Variants in RGR observed in about 807,000 individuals in gnomAD.
The protein encoded by RGR is RPE-retinal G protein-coupled receptor.
RGR carries 30 observed loss-of-function variants against 28.6 expected under a neutral mutation model. That is an observed-to-expected ratio of 1.05 (90% CI 0.78 to 1.42). The LOEUF (loss-of-function observed/expected upper bound fraction) is 1.42, where lower values mean the gene tolerates loss of function less well. Ranked by LOEUF, RGR falls within the 40% of genes most tolerant of loss-of-function variation. The probability of loss-of-function intolerance (pLI) is 0.00; values close to 1 mark genes in which losing one functional copy is unlikely to be tolerated. For missense variants in RGR, 404 were observed against 375.6 expected (o/e 1.08, Z -0.62); for synonymous variants, 180 against 156.4 (o/e 1.15, Z -1.13).
intron 5 of RGR, among the ~76,000 whole-genome samples, chr10:84,256,026 T>G (rs1459012159): frequency 6.7e-6 from 1 of 149,824 alleles, no homozygotes; most frequent in African/African-American, 2.4e-5. Flanking sequence ...TCCAGCCTTT[T>G]TTTTTTTTCT....
At chr10:84,249,240 G>T (rs1312572115) in intron 3 of RGR, among the ~76,000 whole-genome samples, 197 bp downstream of exon 3, 1 of 152,176 alleles carries the variant, frequency 6.6e-6, no homozygotes, top group Non-Finnish European at 1.5e-5. Flanking sequence ...GAGCTGTTGG[G>T]CCTCTCTTGC....
rs776960723 is a variant in RGR at position 84,245,101 on chromosome 10, C to T, written c.11C>T (p.Thr4Ile). 2 of 1,613,628 alleles carry T rather than the reference C, an allele frequency of 1.2e-6. No individual in the cohort carries two copies. The highest frequency in any genetic ancestry group is 1.7e-5 in the Admixed American group (1 of 59,992). ...TGAGGGAGAGTGAGGATGGCAGAGA[C>T]CAGTGCCCTGCCCACTGGCTTCGGG... Reference protein sequence around the residue: MAETSALPTGFGEL... With the variant: MAEISALPTGFGEL... Residue 4 changes from threonine to isoleucine, a missense_variant, in exon 1 of 7, where the codon ACC becomes ATC. Thr to Ile is a moderately conservative substitution (Grantham distance 89). Transcript: ENST00000652092.
At chr10:84,251,618 C>T (rs1842819461) in intron 3 of RGR, among the ~76,000 whole-genome samples, 1 of 152,196 alleles carries the variant, frequency 6.6e-6, no homozygotes, top group Admixed American at 6.5e-5. Flanking sequence ...CATCTCAGTA[C>T]ACTGCAACCT....
chr10:84,250,559 C>G, intron 3 of RGR: 1 of 675,308 alleles, frequency 1.5e-6, no homozygotes, highest in Admixed American at 2.1e-5. Context: ...CACACACCAC[C>G]TTCTCAGATA....
intron 2 of RGR, chr10:84,247,986 G>A (rs923853694): frequency 3.0e-6 from 2 of 659,646 alleles, no homozygotes; most frequent in East Asian, 2.9e-5. Flanking sequence ...GAGATCAATG[G>A]TGTGGGTTCT....
chr10:84,253,086 C>G, intron 4 of RGR, 76 bp downstream of exon 4: 1 of 1,517,684 alleles, frequency 6.6e-7, no homozygotes, highest in Non-Finnish European at 8.9e-7. Context: ...AAGGGTGCCC[C>G]AGCTGAAAAT....
At chr10:84,250,237 G>A (rs1344234885) in intron 3 of RGR, 2 of 662,352 alleles carry the variant, frequency 3.0e-6, no homozygotes, top group South Asian at 1.7e-5. Flanking sequence ...AGAGGCTGCT[G>A]TGAGGTCTAT....
chr10:84,257,340 T>C (rs1842901001), intron 5 of RGR, among the ~76,000 whole-genome samples: 1 of 152,184 alleles, frequency 6.6e-6, no homozygotes, highest in African/African-American at 2.4e-5. Context: ...CGGGTGGCTG[T>C]AGCTGTGGAT....
chr10:84,258,148 G>A (rs1265909842), intron 6 of RGR, 142 bp downstream of exon 6: 1 of 853,240 alleles, frequency 1.2e-6, no homozygotes, highest in East Asian at 2.6e-5. Context: ...ACAAGGCATA[G>A]AGCATTAGTT....
chr10:84,248,569 A>G (rs751298177), intron 2 of RGR: 12 of 382,340 alleles, frequency 3.1e-5, no homozygotes, highest in Non-Finnish European at 5.9e-5. Flanking sequence ...CTTTGCCTTC[A>G]TCTTCTGTGT....
intron 3 of RGR, among the ~76,000 whole-genome samples, chr10:84,251,900 G>A (rs889050964): frequency 6.6e-6 from 1 of 152,178 alleles, no homozygotes. Flanking sequence ...ATCTGGAGCC[G>A]TATCAGTAGA....
intron 2 of RGR, chr10:84,248,665 A>G: frequency 1.7e-6 from 1 of 591,288 alleles, no homozygotes; most frequent in Non-Finnish European, 3.0e-6. Flanking sequence ...TGACAGAGGG[A>G]TCTGATCACG....
At chr10:84,254,731 T>C (rs1288281146) in intron 5 of RGR, among the ~76,000 whole-genome samples, 3 of 152,226 alleles carry the variant, frequency 2.0e-5, no homozygotes, top group Non-Finnish European at 1.5e-5. Flanking sequence ...TGCCTTTTGA[T>C]TGATAGGTGG....
rs145290024 is a variant in RGR, at chr10:84,256,658, C to G, written c.631-1235C>G. 7.8e-3 allele frequency among the ~76,000 whole-genome samples: 1,195 copies of G among 152,306 alleles called. 14 individuals are homozygous for G. The highest frequency in any genetic ancestry group is 0.027 in the African/African-American group (1,112 of 41,572). ...CTGGGACCAGAATCCAGTCCCCTGG[C>G]TCCCAGCTGGCTGCTGGCATAGGCG... On this transcript the variant is annotated intron_variant, in intron 5 of 6. Coordinates refer to ENST00000652092, the MANE Select transcript of RGR (RefSeq NM_001012720.2).
intron 5 of RGR, among the ~76,000 whole-genome samples, chr10:84,256,059 C>CTTTTTTTTTTTTTTTT (rs61441525): frequency 3.3e-4 from 18 of 54,348 alleles, no homozygotes; most frequent in East Asian, 1.2e-3. Flanking sequence ...TTTTTCCTTT[C>CTTTTTTTTTTTTTTTT]TTTTTTTTTT....
At chr10:84,252,639 CCT>C (rs1279442198) in intron 3 of RGR, among the ~76,000 whole-genome samples, 1 of 152,158 alleles carries the variant, frequency 6.6e-6, no homozygotes, top group African/African-American at 2.4e-5. Flanking sequence ...TTAGTTAACC[CCT>C]CTCTCAGCCT....
At chr10:84,253,048 G>A (rs1486794273) in intron 4 of RGR, 38 bp downstream of exon 4, 1 of 1,604,990 alleles carries the variant, frequency 6.2e-7, no homozygotes, top group Non-Finnish European at 8.5e-7. Flanking sequence ...TCCTATCCAT[G>A]GGAATCTTGG....
chr10:84,253,903 A>G (rs1453723497), intron 4 of RGR, among the ~76,000 whole-genome samples: 2 of 152,092 alleles, frequency 1.3e-5, no homozygotes, highest in Admixed American at 1.3e-4. Context: ...TGGGAACCCA[A>G]GCTCTTCTGT....
At chr10:84,252,471 C>G (rs1842830554) in intron 3 of RGR, among the ~76,000 whole-genome samples, 1 of 152,178 alleles carries the variant, frequency 6.6e-6, no homozygotes, top group African/African-American at 2.4e-5. Flanking sequence ...GAGACCTTCA[C>G]CATCCATTAT....
Sources: gnomAD v4.1 joint callset for allele counts (sites outside exome capture counted in the v4.1 genomes callset) on GRCh38, gnomAD v4.1.1 for gene constraint, MANE v1.5 for transcripts, NCBI Gene and HGNC (gene_info 2026-07-23, HGNC 2026-07-21) for gene names.